CNOT4: variants seen among roughly 807,000 people sequenced by gnomAD.
The protein encoded by CNOT4 is CCR4-NOT transcription complex subunit 4, also known as CCR4-associated factor 4.
In CNOT4, 8 loss-of-function variants were observed where a neutral mutation model predicts 73.8. The ratio of observed to expected loss-of-function variants is 0.11; its 90% CI spans 0.06 to 0.20. The LOEUF is 0.20. Ranked by LOEUF, CNOT4 falls within the 10% of genes least tolerant of loss-of-function variation. The pLI is 1.00. For synonymous variants in CNOT4, 293 were observed against 321.1 expected (o/e 0.91, Z 0.94); for missense variants, 564 against 883.4 (o/e 0.64, Z 4.58).
intron 1 of CNOT4, among the ~76,000 whole-genome samples, chr7:135,453,975 A>T (rs1218871280): frequency 1.4e-5 from 2 of 138,798 alleles, no homozygotes; most frequent in Non-Finnish European, 3.1e-5. Context: ...CTATCTCTAT[A>T]AAAAATATAT....
At chr7:135,392,608 G>A (rs1796458062) in intron 10 of CNOT4, among the ~76,000 whole-genome samples, 1 of 152,066 alleles carries the variant, frequency 6.6e-6, no homozygotes, top group Non-Finnish European at 1.5e-5. Flanking sequence ...AGAAGAAGAG[G>A]ACTGAAAAAT....
intron 1 of CNOT4, among the ~76,000 whole-genome samples, chr7:135,497,527 C>G (rs956814513): frequency 1.3e-5 from 2 of 152,030 alleles, no homozygotes; most frequent in African/African-American, 4.8e-5. Context: ...GATTAGTGAA[C>G]AGAACAGACC....
intron 10 of CNOT4, among the ~76,000 whole-genome samples, chr7:135,374,379 T>C (rs1022500478): frequency 1.8e-5 from 2 of 110,380 alleles, no homozygotes; most frequent in African/African-American, 6.5e-5. Context: ...TTCAGCAGTT[T>C]CTGGTAAAAT....
intron 7 of CNOT4, among the ~76,000 whole-genome samples, chr7:135,400,867 T>C (rs913464845): frequency 3.9e-5 from 6 of 151,990 alleles, no homozygotes; most frequent in Admixed American, 6.6e-5. Context: ...ATTTTAACAA[T>C]AACAAATTAA....
At chr7:135,482,926 C>A (rs1041160078) in intron 1 of CNOT4, among the ~76,000 whole-genome samples, 1 of 138,064 alleles carries the variant, frequency 7.2e-6, no homozygotes, top group African/African-American at 2.8e-5. Flanking sequence ...GTGGAGGTTG[C>A]AGTGAGCTGA....
intron 1 of CNOT4, among the ~76,000 whole-genome samples, chr7:135,448,803 T>C (rs1799990528): frequency 6.6e-6 from 1 of 151,778 alleles, no homozygotes; most frequent in South Asian, 2.1e-4. Context: ...AGTTGAACAC[T>C]GACTAGAAAA....
intron 3 of CNOT4, among the ~76,000 whole-genome samples, chr7:135,419,427 T>C (rs534315241): frequency 9.2e-5 from 14 of 152,282 alleles, no homozygotes; most frequent in African/African-American, 3.1e-4. Context: ...AAAAAGGTTA[T>C]AAAGACAAAT....
At chr7:135,373,746 T>TC (rs1014690718) in intron 10 of CNOT4, among the ~76,000 whole-genome samples, 1 of 151,608 alleles carries the variant, frequency 6.6e-6, no homozygotes, top group Non-Finnish European at 1.5e-5. Context: ...CCAGCTAATT[T>TC]TTTTTTTGTA....
At chr7:135,463,263 C>A (rs950974133) in intron 1 of CNOT4, among the ~76,000 whole-genome samples, 10 of 152,152 alleles carry the variant, frequency 6.6e-5, no homozygotes, top group South Asian at 2.1e-4. Context: ...GAAGACCGGG[C>A]ACGGTGGCTC....
chr7:135,477,964 TATA>T (rs1802100547), intron 1 of CNOT4, among the ~76,000 whole-genome samples: 1 of 130,594 alleles, frequency 7.7e-6, no homozygotes, highest in African/African-American at 2.7e-5. Context: ...TTATATTTAA[TATA>T]ATAGATATGT....
chr7:135,480,991 A>C (rs1802342146), intron 1 of CNOT4, among the ~76,000 whole-genome samples: 1 of 151,110 alleles, frequency 6.6e-6, no homozygotes, highest in Non-Finnish European at 1.5e-5. Context: ...AAAATATAAA[A>C]CTGGAAAAAA....
At chr7:135,476,376 G>T (rs1287582169) in intron 1 of CNOT4, among the ~76,000 whole-genome samples, 5 of 152,170 alleles carry the variant, frequency 3.3e-5, no homozygotes, top group Non-Finnish European at 7.4e-5. Context: ...TGCTAAAAAT[G>T]AGGCTTGGAA....
At chr7:135,392,985 T>C (rs530868647) in intron 10 of CNOT4, among the ~76,000 whole-genome samples, 16 of 152,318 alleles carry the variant, frequency 1.1e-4, no homozygotes, top group Non-Finnish European at 1.3e-4. Context: ...ATTGTATGAA[T>C]TATGTGAAGA....
chr7:135,438,856 CTA>C lies in CNOT4; in HGVS notation c.-92-435_-92-434del, dbSNP rs574573343. The stretch of plus-strand genomic sequence containing the variant: ...AATGAAAACAAGATACTTCAATCAT[CTA>C]TAGTTACATGTTAACATCAAACTCT... On this transcript the variant is annotated intron_variant, in intron 1 of 11. Transcript: ENST00000541284. Among the ~76,000 whole-genome samples, 780 of 152,252 alleles carry C rather than the reference CTA, an allele frequency of 5.1e-3. 5 individuals carry two copies. The highest frequency in any genetic ancestry group is 8.1e-3 in the Non-Finnish European group (554 of 68,002).
rs184786532 is a variant in CNOT4, at chr7:135,384,410, G to A, written c.1627+9508C>T. Reference sequence around the variant, plus strand: ...CGCCATTCTCCTGCCTCAGCCTCCCGAGTAGCTGGGGCTACAGGTGCCCGC... The same window carrying A: ...CGCCATTCTCCTGCCTCAGCCTCCCAAGTAGCTGGGGCTACAGGTGCCCGC... On this transcript the variant is annotated intron_variant, in intron 10 of 11. Coordinates refer to ENST00000541284, the MANE Select transcript of CNOT4 (RefSeq NM_001190850.2). 91 of 351,720 alleles carry A rather than the reference G, an allele frequency of 2.6e-4. No individual in the cohort carries two copies. The East Asian group carries it at 4.1e-3, about 16-fold the overall frequency. The allele number at this position is 351,720 out of a possible 1,614,324, so 21.8% of individuals were successfully genotyped here.
intron 3 of CNOT4, among the ~76,000 whole-genome samples, chr7:135,415,815 G>T (rs1797842961): frequency 6.6e-6 from 1 of 152,064 alleles, no homozygotes. Flanking sequence ...TGTGCATACA[G>T]TTTCCTATGT....
chr7:135,413,605 T>C lies in CNOT4; in HGVS notation c.570A>G (p.Leu190=). ...AGTAACTGCAGTATTTTGTTGTACC[T>C]AGAGATGCCTGCAGGAGGAAGAGGG... ...VVDGRTLKAS[L]GTTKYCSYFL... is the part of the protein sequence containing the mutation. Residue 190 remains leucine, a synonymous_variant, in exon 6 of 12, where the codon CTA becomes CTG. Transcript: ENST00000541284. 6.2e-7 allele frequency: 1 copy of C among 1,610,118 alleles called. No individual in the cohort carries two copies.
chr7:135,366,986 G>T (rs913125320), intron 10 of CNOT4, among the ~76,000 whole-genome samples: 1 of 152,110 alleles, frequency 6.6e-6, no homozygotes, highest in Admixed American at 6.6e-5. Flanking sequence ...ATACAGCAGG[G>T]TTTATCAACC....
chr7:135,409,305 T>C (rs1358347260), intron 7 of CNOT4, among the ~76,000 whole-genome samples: 25 of 152,166 alleles, frequency 1.6e-4, no homozygotes, highest in Non-Finnish European at 2.2e-4. Context: ...TCAAAGCTTG[T>C]CAAACCAGAA....
Sources: gnomAD v4.1 joint callset for allele counts (sites outside exome capture counted in the v4.1 genomes callset) on GRCh38, gnomAD v4.1.1 for gene constraint, MANE v1.5 for transcripts, NCBI Gene and HGNC (gene_info 2026-07-23, HGNC 2026-07-21) for gene names.